Variants in SI observed in about 807,000 individuals in gnomAD.
SI encodes the protein sucrase-isomaltase.
A neutral mutation model predicts 253.3 loss-of-function variants in SI; 235 were observed. The ratio of observed to expected loss-of-function variants is 0.93; its 90% confidence interval spans 0.83 to 1.03. The LOEUF is 1.03. Among genes scored for constraint, SI ranks in the 50% least tolerant of loss-of-function variants. The probability of loss-of-function intolerance (pLI) is 0.00; values close to 1 mark genes in which losing one functional copy is unlikely to be tolerated. For missense variants in SI, 2,442 were observed against 2,211.1 expected, an observed-to-expected ratio of 1.10 and a Z score of -2.09; for synonymous variants, 819 against 712.0, an observed-to-expected ratio of 1.15 and a Z score of -2.39.
intron 9 of SI, among the ~76,000 whole-genome samples, chr3:165,060,656 T>G (rs1713938660): frequency 6.6e-6 from 1 of 151,302 alleles, no homozygotes; most frequent in Non-Finnish European, 1.5e-5. Flanking sequence ...GCAATCTCAG[T>G]GCAAGAGAAT....
At chr3:165,009,417 T>C (rs993859418) in intron 34 of SI, 22 bp from the exon 35 acceptor site, 3 of 1,336,736 alleles carry the variant, frequency 2.2e-6, no homozygotes, top group Non-Finnish European at 3.2e-6. Flanking sequence ...AAATTTAGGC[T>C]CACATGTGGA....
chr3:165,085,242 T>A, the SI span, among the ~76,000 whole-genome samples: 1 of 152,132 alleles, frequency 6.6e-6, no homozygotes, highest in African/African-American at 2.4e-5. Context: ...CTAATTGGAA[T>A]AATATTTGTT....
intron 3 of SI, among the ~76,000 whole-genome samples, chr3:165,069,622 G>A (rs1434676800): frequency 6.6e-6 from 1 of 151,980 alleles, no homozygotes; most frequent in Non-Finnish European, 1.5e-5. Flanking sequence ...CACTTAAAAT[G>A]TGTAAGGGAT....
At chr3:165,036,889 A>G (rs1429631660) in intron 21 of SI, among the ~76,000 whole-genome samples, 1 of 151,910 alleles carries the variant, frequency 6.6e-6, no homozygotes, top group Non-Finnish European at 1.5e-5. Flanking sequence ...TTAAAATTTA[A>G]AAAAAGTTTA....
At chr3:165,050,107 G>C (rs533924810) in intron 13 of SI, among the ~76,000 whole-genome samples, 4 of 152,022 alleles carry the variant, frequency 2.6e-5, no homozygotes, top group African/African-American at 9.7e-5. Context: ...CATGTGTCTA[G>C]TTTTGATTAT....
chr3:165,055,129 A>C (rs1446230889), intron 13 of SI, 65 bp downstream of exon 13: 2 of 934,504 alleles, frequency 2.1e-6, no homozygotes. Context: ...TTGACTTAGT[A>C]ATTTTTACAG....
At chr3:165,030,437 C>A (rs1712170292) in intron 25 of SI, among the ~76,000 whole-genome samples, 1 of 150,918 alleles carries the variant, frequency 6.6e-6, no homozygotes, top group African/African-American at 2.4e-5. Context: ...AACTCTCAGA[C>A]AGAGTATTAT....
chr3:165,020,044 C>T (rs968947962), intron 27 of SI, among the ~76,000 whole-genome samples: 4 of 151,362 alleles, frequency 2.6e-5, no homozygotes, highest in East Asian at 1.9e-4. Flanking sequence ...GACAAGTATT[C>T]CTTTTAAAAA....
At chr3:165,081,365 T>C (rs1715316780), upstream of SI, among the ~76,000 whole-genome samples, 1 of 151,976 alleles carries the variant, frequency 6.6e-6, no homozygotes, top group Non-Finnish European at 1.5e-5. Context: ...AACTGGTGAT[T>C]GACACCTAGT....
At chr3:165,052,406 A>T (rs1560009295) in intron 13 of SI, among the ~76,000 whole-genome samples, 1 of 152,180 alleles carries the variant, frequency 6.6e-6, no homozygotes, top group Non-Finnish European at 1.5e-5. Flanking sequence ...TCTATTAAAA[A>T]CTATTTTTTG....
Position 165,006,953 on chromosome 3 carries a change from T to C in SI, c.4269A>G (p.Glu1423=). 1 of 1,604,954 alleles carries C rather than the reference T, an allele frequency of 6.2e-7. No individual in the cohort carries two copies. The highest frequency in any genetic ancestry group is 8.5e-7 in the Non-Finnish European group (1 of 1,172,934). ...GTAATCCATCAGTTCTTTTTGTGAG[T>C]TCTGGAAAGAATCAATGAAAAAATA... is the stretch of plus-strand genomic sequence containing the variant. ...DELNYPPYFP[E]LTKRTDGLHF... The change falls in exon 37 of 48, where the codon GAA becomes GAG. Residue 1423 remains glutamate, a splice_region_variant and synonymous_variant. Coordinates refer to ENST00000264382, the MANE Select transcript of SI (RefSeq NM_001041.4).
At chr3:165,011,756 G>GTTATTATTTATTTATTATTTATTA in intron 34 of SI, among the ~76,000 whole-genome samples, 1 of 147,264 alleles carries the variant, frequency 6.8e-6, no homozygotes, top group Admixed American at 6.8e-5. Flanking sequence ...ATTCATTATT[G>GTTATTATTTATTTATTATTTATTA]TTATTATTTA....
In SI at chr3:164,998,968, A is replaced by T. The variant is rs78232692; in HGVS notation, c.4407-295T>A. ...CAACTATTAATTGAATGAAATCAAC[A>T]AATTCATCACATTGAGCTTTTTATT... On this transcript the variant is annotated intron_variant, in intron 37 of 47. Coordinates refer to ENST00000264382, the MANE Select transcript of SI (RefSeq NM_001041.4). Among the ~76,000 whole-genome samples, 250 of 151,960 alleles carry T rather than the reference A, an allele frequency of 1.6e-3. 6 individuals carry two copies. In the East Asian group the frequency reaches 0.033, roughly 20 times the overall value.
chr3:165,081,254 AAG>A (rs1715311789), upstream of SI, among the ~76,000 whole-genome samples: 1 of 151,902 alleles, frequency 6.6e-6, no homozygotes, highest in Non-Finnish European at 1.5e-5. Context: ...TATTAATATA[AAG>A]TTGTCCAAAA....
chr3:164,993,762 T>G (rs1478381719), intron 41 of SI, among the ~76,000 whole-genome samples: 1 of 151,714 alleles, frequency 6.6e-6, no homozygotes, highest in Non-Finnish European at 1.5e-5. Context: ...GTTTGAGCTT[T>G]AAGAGGTGAA....
intron 43 of SI, among the ~76,000 whole-genome samples, chr3:164,991,897 T>A (rs1394032651): frequency 6.6e-6 from 1 of 152,136 alleles, no homozygotes; most frequent in African/African-American, 2.4e-5. Context: ...ATGATCATTT[T>A]ATATATCCAA....
chr3:165,058,892 A>ACACG, intron 12 of SI, 71 bp downstream of exon 12: 1 of 1,288,526 alleles, frequency 7.8e-7, no homozygotes, highest in East Asian at 2.4e-5. Context: ...ACACACGCAC[A>ACACG]TCCACAGAAA....
At chr3:165,015,335 A>G in intron 32 of SI, 102 bp from the exon 33 acceptor site, 2 of 772,834 alleles carry the variant, frequency 2.6e-6, no homozygotes. Flanking sequence ...TTATCATAAT[A>G]ATGTGCTCTC....
chr3:164,991,800 C>T (rs188849405), intron 43 of SI, among the ~76,000 whole-genome samples: 1 of 151,978 alleles, frequency 6.6e-6, no homozygotes, highest in East Asian at 1.9e-4. Flanking sequence ...AGTTCACATG[C>T]CTAAAGTGTG....
Sources: gnomAD v4.1 joint callset for allele counts (sites outside exome capture counted in the v4.1 genomes callset) on GRCh38, gnomAD v4.1.1 for gene constraint, MANE v1.5 for transcripts, NCBI Gene and HGNC (gene_info 2026-07-23, HGNC 2026-07-21) for gene names.